RBFOX1: variants seen among roughly 807,000 people sequenced by gnomAD.
RBFOX1 encodes the protein RNA binding fox-1 homolog 1.
A neutral mutation model predicts 57.7 loss-of-function variants in RBFOX1; 8 were observed. That is an observed-to-expected ratio of 0.14 (90% confidence interval 0.08 to 0.25). The LOEUF (loss-of-function observed/expected upper bound fraction) is 0.25. Ranked by LOEUF, RBFOX1 falls within the 10% of genes least tolerant of loss-of-function variation. RBFOX1 has a pLI of 1.00. For missense variants in RBFOX1, 611 were observed against 548.5 expected (o/e 1.11, Z -1.14); for synonymous variants, 326 against 222.4 (o/e 1.47, Z -4.15).
chr16:6,639,315 G>A (rs184069640), intron 2 of RBFOX1, among the ~76,000 whole-genome samples: 159 of 152,186 alleles, frequency 1.0e-3, no homozygotes, highest in Non-Finnish European at 1.4e-3. Context: ...AAATAGTTTC[G>A]TTGAGTCCTT....
intron 4 of RBFOX1, among the ~76,000 whole-genome samples, chr16:5,898,905 A>C (rs2058234360): frequency 6.6e-6 from 1 of 151,482 alleles, no homozygotes; most frequent in South Asian, 2.1e-4. Context: ...ATTAAAAAAA[A>C]AAAAAAAAGT....
intron 3 of RBFOX1, among the ~76,000 whole-genome samples, chr16:6,899,207 A>G (rs966445808): frequency 2.7e-5 from 4 of 147,622 alleles, no homozygotes; most frequent in Admixed American, 1.3e-4. Context: ...ATATGTGTGT[A>G]TATGTGTGTG....
rs1222219492 is a variant in RBFOX1, at chr16:6,859,139, ACG to A, written c.-15-192917_-15-192916del. On this transcript the variant is annotated intron_variant, in intron 3 of 15. Transcript: ENST00000550418. ...TATATATATATATATACATATATAT[ACG>A]TATATATATATGTATATATATACGT... Among the ~76,000 whole-genome samples, 124 of 101,442 alleles carry A rather than the reference ACG, an allele frequency of 1.2e-3. 5 individuals are homozygous for A. The highest frequency in any genetic ancestry group is 5.0e-3 in the African/African-American group (110 of 22,136). The allele number at this position is 101,442 out of a possible 152,430, so 66.5% of individuals were successfully genotyped here. A position where few individuals can be genotyped will look rare whatever the true frequency, so the allele number is the denominator to read the frequency against.
At chr16:5,331,861 C>T (rs957583138) in intron 1 of RBFOX1, among the ~76,000 whole-genome samples, 1 of 152,194 alleles carries the variant, frequency 6.6e-6, no homozygotes, top group African/African-American at 2.4e-5. Context: ...GGGCACCAAC[C>T]CCTGTGTTCC....
chr16:7,552,969 C>A (rs2087056717), intron 5 of RBFOX1, among the ~76,000 whole-genome samples: 1 of 151,824 alleles, frequency 6.6e-6, no homozygotes, highest in African/African-American at 2.4e-5. Context: ...AGGTGTGAGC[C>A]ACTGAGACCG....
intron 4 of RBFOX1, among the ~76,000 whole-genome samples, chr16:5,970,537 A>G (rs1438870140): frequency 6.6e-6 from 1 of 152,154 alleles, no homozygotes; most frequent in Non-Finnish European, 1.5e-5. Flanking sequence ...GTTTCAACCA[A>G]TGAGTTGCTC....
At chr16:5,978,010 G>A (rs1243755937) in intron 4 of RBFOX1, among the ~76,000 whole-genome samples, 1 of 151,708 alleles carries the variant, frequency 6.6e-6, no homozygotes, top group East Asian at 1.9e-4. Context: ...TATGTGAGCA[G>A]CTGTGGATAG....
At chr16:6,797,515 C>A (rs943026181) in intron 3 of RBFOX1, among the ~76,000 whole-genome samples, 2 of 152,124 alleles carry the variant, frequency 1.3e-5, no homozygotes, top group African/African-American at 2.4e-5. Flanking sequence ...ATTTCAGGTT[C>A]CTGTGACATC....
intron 1 of RBFOX1, among the ~76,000 whole-genome samples, chr16:6,200,579 A>G (rs1191652683): frequency 6.6e-6 from 1 of 152,224 alleles, no homozygotes; most frequent in Non-Finnish European, 1.5e-5. Context: ...AAAGCACCAC[A>G]CTAAAAAGTT....
intron 4 of RBFOX1, among the ~76,000 whole-genome samples, chr16:7,454,650 A>T (rs745390358): frequency 1.3e-5 from 2 of 152,242 alleles, no homozygotes; most frequent in Non-Finnish European, 2.9e-5. Context: ...TATCTACAGG[A>T]TAGCAAACAT....
At chr16:6,262,383 A>G (rs1315649174) in intron 1 of RBFOX1, among the ~76,000 whole-genome samples, 1 of 152,106 alleles carries the variant, frequency 6.6e-6, no homozygotes, top group Non-Finnish European at 1.5e-5. Flanking sequence ...AGTAGTAGAT[A>G]TTATGGCGGT....
At chr16:5,410,609 T>C (rs529305222) in intron 1 of RBFOX1, among the ~76,000 whole-genome samples, 23 of 152,326 alleles carry the variant, frequency 1.5e-4, no homozygotes, top group African/African-American at 5.1e-4. Flanking sequence ...TCAAGGTCTT[T>C]ACAGTGACTT....
rs572247553 is a variant in RBFOX1 at position 5,753,450 on chromosome 16, C to T, written c.319-113853C>T. Among the ~76,000 whole-genome samples, 4 of 152,294 alleles carry T rather than the reference C, an allele frequency of 2.6e-5. No homozygotes were observed. In the East Asian group the frequency reaches 7.7e-4, roughly 29 times the overall value. On this transcript the variant is annotated intron_variant, in intron 3 of 19. Coordinates refer to the RBFOX1 transcript ENST00000641259. ...GCGTTTTTCACTTGAAAAAGAGTTACAACTCCGTTTCCATATGGTAGACAG... is the reference window on the plus strand; with the variant it reads ...GCGTTTTTCACTTGAAAAAGAGTTATAACTCCGTTTCCATATGGTAGACAG...
chr16:6,847,565 C>A (rs1021499490), intron 3 of RBFOX1, among the ~76,000 whole-genome samples: 1 of 151,832 alleles, frequency 6.6e-6, no homozygotes, highest in East Asian at 1.9e-4. Context: ...AAGTGTGGTC[C>A]ATGGTCAGTC....
intron 3 of RBFOX1, among the ~76,000 whole-genome samples, chr16:6,780,101 T>TTACA (rs2080434505): frequency 3.7e-5 from 1 of 26,718 alleles, no homozygotes; most frequent in African/African-American, 2.7e-4. Flanking sequence ...TTATATATTT[T>TTACA]TATATATTTA....
At chr16:6,465,042 C>T (rs923282259) in intron 2 of RBFOX1, among the ~76,000 whole-genome samples, 4 of 152,158 alleles carry the variant, frequency 2.6e-5, no homozygotes, top group African/African-American at 4.8e-5. Flanking sequence ...GCCTGATTAT[C>T]GTGAATTGTC....
chr16:5,284,071 C>A (rs2063335090), intron 1 of RBFOX1, among the ~76,000 whole-genome samples: 1 of 152,006 alleles, frequency 6.6e-6, no homozygotes, highest in Admixed American at 6.6e-5. Context: ...ATAAGTCTCG[C>A]AAGATCTGAT....
At chr16:6,364,925 C>T (rs1224127202) in intron 2 of RBFOX1, among the ~76,000 whole-genome samples, 1 of 151,946 alleles carries the variant, frequency 6.6e-6, no homozygotes, top group Non-Finnish European at 1.5e-5. Flanking sequence ...CGATATTCAC[C>T]CAATTCAGAG....
chr16:7,577,631 C>T (rs530955493), intron 5 of RBFOX1, among the ~76,000 whole-genome samples: 1 of 152,252 alleles, frequency 6.6e-6, no homozygotes, highest in East Asian at 1.9e-4. Context: ...GGGATGGTGG[C>T]TCACGCCTGT....
Sources: allele counts gnomAD v4.1 joint callset (sites outside exome capture counted in the v4.1 genomes callset), GRCh38; gene constraint gnomAD v4.1.1; transcripts MANE v1.5; gene names NCBI Gene and HGNC (gene_info 2026-07-23, HGNC 2026-07-21).